The following PLD3 variants were observed in gnomAD, a reference collection of about 807,000 sequenced individuals.
PLD3 encodes the protein phospholipase D family member 3.
Under a neutral mutation model 58.4 loss-of-function variants are expected in PLD3, and 31 were observed. The observed-to-expected ratio is 0.53, with a 90% CI of 0.40 to 0.72. The LOEUF is 0.72. Among genes scored for constraint, PLD3 ranks in the 30% least tolerant of loss-of-function variants. The probability of loss-of-function intolerance (pLI) is 0.00; values close to 1 mark genes in which losing one functional copy is unlikely to be tolerated. For missense variants in PLD3, 595 were observed against 659.8 expected, an observed-to-expected ratio of 0.90 and a Z score of 1.08; for synonymous variants, 264 against 273.4, an observed-to-expected ratio of 0.97 and a Z score of 0.34.
At chr19:40,363,612 G>A (rs2078841081) in intron 1 of PLD3, among the ~76,000 whole-genome samples, 1 of 152,068 alleles carries the variant, frequency 6.6e-6, no homozygotes, top group African/African-American at 2.4e-5. Context: ...TACATTTTTG[G>A]TAGAGAGAGG....
chr19:40,350,785 A>C (rs1363606120), intron 1 of PLD3, among the ~76,000 whole-genome samples: 1 of 151,198 alleles, frequency 6.6e-6, no homozygotes, highest in Non-Finnish European at 1.5e-5. Context: ...TGTGTACTAC[A>C]CTCTAGTGGG....
intron 1 of PLD3, among the ~76,000 whole-genome samples, chr19:40,350,179 G>A (rs142790907): frequency 0.01 from 1,482 of 142,544 alleles, 11 homozygotes; most frequent in African/African-American, 0.036. Context: ...AGAATCGTTC[G>A]AATCTGAGAG....
chr19:40,373,702 C>G (rs1292715406), intron 9 of PLD3, among the ~76,000 whole-genome samples: 1 of 149,788 alleles, frequency 6.7e-6, no homozygotes, highest in Non-Finnish European at 1.5e-5. Context: ...GAAAGTGACT[C>G]GAGGCTGGGC....
At chr19:40,355,027 T>C (rs1451419561) in intron 1 of PLD3, among the ~76,000 whole-genome samples, 1 of 147,852 alleles carries the variant, frequency 6.8e-6, no homozygotes, top group Non-Finnish European at 1.5e-5. Flanking sequence ...TTAGTACAGA[T>C]GGGGTTTCAC....
intron 5 of PLD3, chr19:40,367,261 AT>A: frequency 1.5e-5 from 4 of 272,950 alleles, no homozygotes; most frequent in Non-Finnish European, 2.7e-5. Context: ...GTTTTAAAAA[AT>A]TTTTTTTAAA....
At chr19:40,373,088 T>G (rs1372266524) in intron 9 of PLD3, among the ~76,000 whole-genome samples, 2 of 152,066 alleles carry the variant, frequency 1.3e-5, no homozygotes, top group Non-Finnish European at 2.9e-5. Context: ...GCAACCCAGG[T>G]CTCCCTAGGT....
At position 40,367,732 on chromosome 19, in the gene PLD3, C is replaced by G; in HGVS notation, c.282C>G (p.Asp94Glu). ...VLVESIPEGL[D>E]FPNASTGNPS... The stretch of plus-strand genomic sequence containing the variant: ...TGGAAAGCATTCCTGAGGGCCTGGA[C>G]TTCCCCAATGCCTCCACGGGGAACC... The change falls in exon 6 of 13, where the codon GAC (aspartate) becomes GAG (glutamate). Residue 94 changes from aspartate (D) to glutamate (E), a missense_variant. By Grantham distance (45) the Asp-to-Glu change is conservative. Transcript: ENST00000409735. The G allele has an allele frequency of 6.2e-7, 1 of 1,613,650 alleles. No individual in the cohort carries two copies. Among genetic ancestry groups the G allele is most frequent in the Non-Finnish European group, 8.5e-7 (1 of 1,179,688 alleles).
intron 10 of PLD3, 83 bp downstream of exon 10, chr19:40,374,703 G>T: frequency 6.7e-7 from 1 of 1,486,046 alleles, no homozygotes. Context: ...AAAGCTGGTG[G>T]GGGCTCCAGG....
chr19:40,371,890 T>A lies in PLD3; in HGVS notation c.879+17T>A. 6.2e-7 allele frequency: 1 copy of A among 1,604,672 alleles called. No individual in the cohort carries two copies. Among genetic ancestry groups the A allele is most frequent in the Non-Finnish European group, 8.5e-7 (1 of 1,172,180 alleles). ...TACCTGGCGGTGAGTCTGGGGCAAG[T>A]GGGGCCTGTCATGTCCCAGCCCCAT... On this transcript the variant is annotated intron_variant, in intron 9 of 12. Transcript: ENST00000409735.
intron 10 of PLD3, 175 bp from the exon 11 acceptor site, chr19:40,376,434 G>T: frequency 1.7e-6 from 1 of 592,652 alleles, no homozygotes; most frequent in Non-Finnish European, 3.0e-6. Context: ...GCCAGGAAGA[G>T]GAAATAGGGA....
intron 1 of PLD3, among the ~76,000 whole-genome samples, chr19:40,352,515 A>G (rs2078545280): frequency 6.6e-6 from 1 of 151,948 alleles, no homozygotes; most frequent in Non-Finnish European, 1.5e-5. Context: ...TTTTTTAACC[A>G]AAGTCCAGTT....
chr19:40,368,405 C>T (rs948214492), intron 6 of PLD3, among the ~76,000 whole-genome samples: 3 of 152,152 alleles, frequency 2.0e-5, no homozygotes, highest in African/African-American at 7.2e-5. Context: ...TCTGCTGTTA[C>T]TATATATCCT....
At chr19:40,358,321 C>T (rs10422945) in intron 1 of PLD3, 4,127 of 154,072 alleles carry the variant, frequency 0.027, 197 homozygotes, top group African/African-American at 0.094. Flanking sequence ...GACTGGCATG[C>T]AATGATGCAA....
chr19:40,366,445 C>G lies in PLD3; in HGVS notation c.-39C>G, dbSNP rs777968797. ...TTGGAGACCCTGACACACCCACCTT[C>G]TCACCTGGGCTCTGCGTATCCCCCA... is the stretch of plus-strand genomic sequence containing the variant. On this transcript the variant is annotated 5_prime_UTR_variant, in exon 3 of 13. Coordinates refer to ENST00000409735, the MANE Select transcript of PLD3 (RefSeq NM_012268.4). The G allele has an allele frequency of 1.2e-6, 2 of 1,609,016 alleles. No individual in the cohort carries two copies. The highest frequency in any genetic ancestry group is 2.2e-5 in the South Asian group (2 of 91,002).
At chr19:40,371,427 T>G in intron 8 of PLD3, 1 of 518,708 alleles carries the variant, frequency 1.9e-6, no homozygotes, top group Non-Finnish European at 3.5e-6. Flanking sequence ...TAAGAATGAG[T>G]AGAAGCTAGC....
At chr19:40,362,727 C>T (rs1321576341) in intron 1 of PLD3, among the ~76,000 whole-genome samples, 1 of 151,572 alleles carries the variant, frequency 6.6e-6, no homozygotes, top group African/African-American at 2.4e-5. Context: ...TGTAAACCAC[C>T]GTGCCTGGCC....
Position 40,366,616 on chromosome 19 carries a change from G to A in PLD3, c.34G>A (p.Val12Met), listed in dbSNP as rs1371915757. The A allele has an allele frequency of 1.9e-6, 3 of 1,576,578 alleles. No homozygotes were observed. Among genetic ancestry groups the A allele is most frequent in the African/African-American group, 1.3e-5 (1 of 74,186 alleles). Residue 12 changes from valine (V) to methionine (M), a missense_variant, in exon 4 of 13, where the codon GTG becomes ATG. By Grantham distance (21) the Val-to-Met change is conservative. Coordinates refer to ENST00000409735, the MANE Select transcript of PLD3 (RefSeq NM_012268.4). Reference sequence around the variant, plus strand: ...TTGTTGTCCCCATCCCCAGCTGAAGGTGCCTGCAGAGGAGCCCGCCAATGA... The same window carrying A: ...TTGTTGTCCCCATCCCCAGCTGAAGATGCCTGCAGAGGAGCCCGCCAATGA... ...KPKLMYQELKVPAEEPANELP... is the reference protein window; with the variant it reads ...KPKLMYQELKMPAEEPANELP...
chr19:40,350,104 T>C (rs1387487277), intron 1 of PLD3, among the ~76,000 whole-genome samples: 1 of 149,642 alleles, frequency 6.7e-6, no homozygotes, highest in African/African-American at 2.5e-5. Context: ...CTATTAAAAA[T>C]ACAAAATTAG....
At chr19:40,351,920 T>A (rs1333213588) in intron 1 of PLD3, among the ~76,000 whole-genome samples, 1 of 152,106 alleles carries the variant, frequency 6.6e-6, no homozygotes, top group Non-Finnish European at 1.5e-5. Context: ...AGAGCCAGAA[T>A]CTTCTTCAGT....
Sources: gnomAD v4.1 joint callset for allele counts (sites outside exome capture counted in the v4.1 genomes callset) on GRCh38, gnomAD v4.1.1 for gene constraint, MANE v1.5 for transcripts, NCBI Gene and HGNC (gene_info 2026-07-23, HGNC 2026-07-21) for gene names.